Variants in DAB1 observed in about 807,000 individuals in gnomAD.
The protein encoded by DAB1 is DAB adaptor protein 1, also known as disabled homolog 1.
A neutral mutation model predicts 64.6 loss-of-function variants in DAB1; 15 were observed. The ratio of observed to expected loss-of-function variants is 0.23; its 90% confidence interval spans 0.16 to 0.36. The LOEUF is 0.36. Among genes scored for constraint, DAB1 ranks in the 10% least tolerant of loss-of-function variants. The probability of loss-of-function intolerance (pLI) is 1.00; values close to 1 mark genes in which losing one functional copy is unlikely to be tolerated. For synonymous variants in DAB1, 235 were observed against 251.9 expected, an observed-to-expected ratio of 0.93 and a Z score of 0.64; for missense variants, 596 against 706.7, an observed-to-expected ratio of 0.84 and a Z score of 1.78.
In DAB1 at chr1:58,033,440, ATCT is replaced by A. The variant is rs1345877538; in HGVS notation, n.387+117068_387+117070del. Among the ~76,000 whole-genome samples the A allele has an allele frequency of 4.6e-5, 7 of 152,302 alleles. No individual in the cohort carries two copies. In the East Asian group the frequency reaches 7.7e-4, roughly 17 times the overall value. On this transcript the variant is annotated intron_variant and non_coding_transcript_variant, in intron 5 of 20. Transcript: ENST00000485760. Reference sequence around the variant, plus strand: ...CTTATGCCCTCATCTTTGGAAATAAATCTTCTATCACTTACCCTGTTTTGAATG... The same window carrying A: ...CTTATGCCCTCATCTTTGGAAATAAATCTATCACTTACCCTGTTTTGAATG...
At chr1:57,207,697 G>T (rs908573776) in intron 2 of DAB1, among the ~76,000 whole-genome samples, 1 of 151,814 alleles carries the variant, frequency 6.6e-6, no homozygotes. Flanking sequence ...GCCCGCCTCG[G>T]CCTCCCAAAG....
At chr1:57,997,926 T>C (rs1270215800) in intron 5 of DAB1, among the ~76,000 whole-genome samples, 14 of 151,842 alleles carry the variant, frequency 9.2e-5, no homozygotes, top group Admixed American at 9.2e-4. Flanking sequence ...TCAAGAACCT[T>C]GCACATGAAC....
intron 3 of DAB1, among the ~76,000 whole-genome samples, chr1:58,437,989 A>C (rs1024339769): frequency 1.3e-5 from 2 of 152,158 alleles, no homozygotes; most frequent in African/African-American, 2.4e-5. Flanking sequence ...GCCAGTGACC[A>C]TGTTCCCTCC....
chr1:57,982,198 C>T (rs142351224), intron 5 of DAB1, among the ~76,000 whole-genome samples: 1 of 152,276 alleles, frequency 6.6e-6, no homozygotes, highest in East Asian at 1.9e-4. Flanking sequence ...TTTCCATTTA[C>T]TTATTCAGTA....
intron 7 of DAB1, among the ~76,000 whole-genome samples, chr1:57,604,408 GAA>G (rs34728915): frequency 2.2e-4 from 31 of 140,056 alleles, no homozygotes; most frequent in African/African-American, 7.1e-4. Context: ...TATTATAAAA[GAA>G]AAAAAAAAAA....
intron 3 of DAB1, among the ~76,000 whole-genome samples, chr1:58,390,241 C>T (rs1644465579): frequency 6.6e-6 from 1 of 151,102 alleles, no homozygotes; most frequent in Non-Finnish European, 1.5e-5. Flanking sequence ...CCCACCCCTA[C>T]CCCCAGCCAT....
At chr1:57,577,457 A>G (rs1407682792) in intron 7 of DAB1, among the ~76,000 whole-genome samples, 2 of 151,920 alleles carry the variant, frequency 1.3e-5, no homozygotes, top group African/African-American at 2.4e-5. Flanking sequence ...AGTTGTTCAC[A>G]GCCTTTTAAT....
chr1:58,094,118 G>A (rs1336365283), intron 5 of DAB1, among the ~76,000 whole-genome samples: 1 of 152,120 alleles, frequency 6.6e-6, no homozygotes, highest in Non-Finnish European at 1.5e-5. Context: ...TAGGCCTACT[G>A]GGGTGCAGCT....
At chr1:57,834,344 C>A (rs1396308535) in intron 1 of DAB1, among the ~76,000 whole-genome samples, 1 of 151,744 alleles carries the variant, frequency 6.6e-6, no homozygotes, top group Non-Finnish European at 1.5e-5. Flanking sequence ...TACACAGAGG[C>A]TAACTAATAT....
intron 2 of DAB1, among the ~76,000 whole-genome samples, chr1:58,517,034 G>A (rs1346464168): frequency 3.9e-5 from 6 of 152,020 alleles, no homozygotes; most frequent in African/African-American, 7.2e-5. Context: ...GATGCATCAA[G>A]GTCCAAAAAA....
Position 58,110,274 on chromosome 1 carries a change from C to CT in DAB1, n.387+40236dup, listed in dbSNP as rs950543880. Among the ~76,000 whole-genome samples the CT allele has an allele frequency of 9.9e-4, 150 of 151,676 alleles. 2 individuals are homozygous for CT. Among genetic ancestry groups the CT allele is most frequent in the Admixed American group, 3.2e-3 (49 of 15,198 alleles). On this transcript the variant is annotated intron_variant and non_coding_transcript_variant, in intron 5 of 20. Transcript: ENST00000485760. ...AAAAACAAATAAGCAAAACACAATA[C>CT]TTTTTTTTTACCTTAGTTCAAAGTG...
intron 4 of DAB1, among the ~76,000 whole-genome samples, chr1:58,163,793 G>A (rs1260269917): frequency 1.3e-5 from 2 of 152,160 alleles, no homozygotes; most frequent in South Asian, 2.1e-4. Context: ...TGACAGAGAC[G>A]TATTCCTGCC....
intron 3 of DAB1, among the ~76,000 whole-genome samples, chr1:58,423,549 GAGC>G (rs1041152215): frequency 2.0e-5 from 3 of 152,222 alleles, no homozygotes; most frequent in African/African-American, 7.2e-5. Context: ...CCTCCAAGCA[GAGC>G]AGCACCAGGG....
At chr1:57,572,113 C>G (rs1645200089) in intron 7 of DAB1, among the ~76,000 whole-genome samples, 2 of 152,040 alleles carry the variant, frequency 1.3e-5, no homozygotes, top group East Asian at 3.9e-4. Context: ...GTTTTAGGGC[C>G]CAGAGGTCTA....
At chr1:58,064,953 G>A (rs1429522703) in intron 5 of DAB1, among the ~76,000 whole-genome samples, 1 of 151,858 alleles carries the variant, frequency 6.6e-6, no homozygotes, top group Non-Finnish European at 1.5e-5. Flanking sequence ...CTCGTGATCC[G>A]CCCACCTCGG....
rs947993310 is a variant in DAB1 at position 57,505,535 on chromosome 1, G to A, written n.625+144057C>T. Among the ~76,000 whole-genome samples, 8 of 152,216 alleles carry A rather than the reference G, an allele frequency of 5.3e-5. No individual in the cohort carries two copies. The South Asian group carries it at 1.7e-3, about 31-fold the overall frequency. ...CAGTGGGTGTCCTTATGGAAGATGG[G>A]ATGGGGATGTAAGTGCTTAGCAGGT... On this transcript the variant is annotated intron_variant and non_coding_transcript_variant, in intron 7 of 20. Transcript: ENST00000485760.
intron 3 of DAB1, among the ~76,000 whole-genome samples, chr1:58,348,812 A>C (rs1326951210): frequency 6.6e-6 from 1 of 152,172 alleles, no homozygotes; most frequent in East Asian, 1.9e-4. Flanking sequence ...TTGGCATGCC[A>C]CTCATGAAAG....
intron 5 of DAB1, among the ~76,000 whole-genome samples, chr1:57,966,451 C>T (rs1195971070): frequency 6.6e-6 from 1 of 152,108 alleles, no homozygotes; most frequent in Non-Finnish European, 1.5e-5. Context: ...ACCCAGCCAA[C>T]ATCCAGCACC....
intron 9 of DAB1, among the ~76,000 whole-genome samples, chr1:57,029,688 A>G (rs1429651871): frequency 1.3e-5 from 2 of 152,170 alleles, no homozygotes; most frequent in African/African-American, 2.4e-5. Context: ...AAACAAGATC[A>G]TTTTGGAGCT....
Sources: allele counts gnomAD v4.1 joint callset (sites outside exome capture counted in the v4.1 genomes callset), GRCh38; gene constraint gnomAD v4.1.1; transcripts MANE v1.5; gene names NCBI Gene and HGNC (gene_info 2026-07-23, HGNC 2026-07-21).